Variants in ADCY5 observed in about 807,000 individuals in gnomAD.
ADCY5 encodes adenylate cyclase 5, also known as adenylate cyclase type 5.
ADCY5 carries 30 observed loss-of-function variants against 119.7 expected under a neutral mutation model. The observed-to-expected ratio is 0.25, with a 90% CI of 0.19 to 0.34. The LOEUF is 0.34. Ranked by LOEUF, ADCY5 falls within the 10% of genes least tolerant of loss-of-function variation. The pLI is 1.00. For missense variants in ADCY5, 1,324 were observed against 1,775.2 expected, an observed-to-expected ratio of 0.75 and a Z score of 4.57; for synonymous variants, 753 against 762.2, an observed-to-expected ratio of 0.99 and a Z score of 0.20.
In ADCY5 at chr3:123,297,347, A is replaced by G. The variant is rs746530349; in HGVS notation, c.2930+6T>C. ...GAGCGACCCTATCCGAGGAGCATCA[A>G]CTCACCACTGGGAGGTCCCGTTGTT... On this transcript the variant is annotated splice_donor_region_variant and intron_variant, in intron 16 of 20. Coordinates refer to ENST00000462833, the MANE Select transcript of ADCY5 (RefSeq NM_183357.3). The G allele has an allele frequency of 1.9e-6, 3 of 1,613,772 alleles. No homozygotes were observed. The highest frequency in any genetic ancestry group is 1.7e-5 in the Admixed American group (1 of 60,010).
chr3:123,389,004 C>T (rs1053402749), intron 1 of ADCY5, among the ~76,000 whole-genome samples: 11 of 151,886 alleles, frequency 7.2e-5, no homozygotes, highest in South Asian at 2.1e-4. Context: ...GGAGGCGGGG[C>T]GGGAGGCCAG....
At chr3:123,403,806 C>T (rs936617183) in intron 1 of ADCY5, among the ~76,000 whole-genome samples, 1 of 152,230 alleles carries the variant, frequency 6.6e-6, no homozygotes, top group Non-Finnish European at 1.5e-5. Flanking sequence ...CCGGGTCCCT[C>T]CTTCCTGTAT....
rs140355108 is a variant in ADCY5, at chr3:123,299,166, A to G, written c.2900+954T>C. 2.4e-4 allele frequency among the ~76,000 whole-genome samples: 36 copies of G among 152,236 alleles called. No homozygotes were observed. The East Asian group carries it at 6.6e-3, about 28-fold the overall frequency. ...TAGACATTTTAGTCTGTATGTTGCA[A>G]TCTGTAGCCAATTATTGTAACCCTC... On this transcript the variant is annotated intron_variant, in intron 15 of 20. Transcript: ENST00000462833.
intron 15 of ADCY5, among the ~76,000 whole-genome samples, chr3:123,298,068 C>T (rs537992689): frequency 7.9e-5 from 12 of 152,162 alleles, no homozygotes; most frequent in African/African-American, 1.2e-4. Flanking sequence ...GGTGCAATCT[C>T]GGCTCACTGT....
chr3:123,419,096 T>C, intron 1 of ADCY5: 1 of 947,664 alleles, frequency 1.1e-6, no homozygotes, highest in Non-Finnish European at 1.3e-6. Context: ...TTTCTATATG[T>C]CTATATAAAT....
chr3:123,299,383 C>T (rs1939701007), intron 15 of ADCY5, among the ~76,000 whole-genome samples: 1 of 152,188 alleles, frequency 6.6e-6, no homozygotes, highest in Admixed American at 6.5e-5. Context: ...TTTGGGTTGA[C>T]AATATTCCCA....
intron 17 of ADCY5, among the ~76,000 whole-genome samples, chr3:123,294,553 G>GT (rs2108216107): frequency 6.6e-6 from 1 of 152,332 alleles, no homozygotes; most frequent in East Asian, 1.9e-4. Context: ...CTTCCTCCAG[G>GT]AAGGCTCAGC....
chr3:123,431,149 C>A (rs1364260880), intron 1 of ADCY5, among the ~76,000 whole-genome samples: 2 of 152,202 alleles, frequency 1.3e-5, no homozygotes, highest in Non-Finnish European at 2.9e-5. Flanking sequence ...TAAACTGGAG[C>A]AAATTCATTC....
At chr3:123,411,779 T>C (rs375494783) in intron 1 of ADCY5, among the ~76,000 whole-genome samples, 25 of 152,286 alleles carry the variant, frequency 1.6e-4, no homozygotes, top group South Asian at 1.5e-3. Context: ...CTTAACCTAA[T>C]GGGACACCTG....
At chr3:123,363,860 G>A (rs1328642288) in intron 1 of ADCY5, among the ~76,000 whole-genome samples, 2 of 152,210 alleles carry the variant, frequency 1.3e-5, no homozygotes, top group African/African-American at 4.8e-5. Context: ...GGTGAGCCAC[G>A]ATTACACCAC....
rs78432736 is a variant in ADCY5, at chr3:123,350,061, G to A, written c.1285-2158C>T. 4.0e-3 allele frequency among the ~76,000 whole-genome samples: 611 copies of A among 152,298 alleles called. 3 individuals carry two copies. The highest frequency in any genetic ancestry group is 0.014 in the African/African-American group (591 of 41,558). ...TCCACTCCAGATAGAGCAGAACACA[G>A]AGGCCCCCACACTTCCTGGGGTCTT... On this transcript the variant is annotated intron_variant, in intron 2 of 20. Transcript: ENST00000462833.
At chr3:123,298,942 A>T (rs1203373921) in intron 15 of ADCY5, among the ~76,000 whole-genome samples, 2 of 149,014 alleles carry the variant, frequency 1.3e-5, no homozygotes, top group Non-Finnish European at 3.0e-5. Context: ...GGGCGTTGAT[A>T]ATCCACAGTT....
At chr3:123,351,274 G>C (rs1942828036) in intron 2 of ADCY5, among the ~76,000 whole-genome samples, 1 of 152,166 alleles carries the variant, frequency 6.6e-6, no homozygotes, top group Middle Eastern at 3.2e-3. Context: ...GACTCACTTA[G>C]GATGCAACCA....
At chr3:123,370,000 C>T (rs1398010439) in intron 1 of ADCY5, among the ~76,000 whole-genome samples, 1 of 152,168 alleles carries the variant, frequency 6.6e-6, no homozygotes, top group East Asian at 1.9e-4. Context: ...CACTGACTGC[C>T]TTAATTCTTG....
At chr3:123,437,339 T>A (rs1178394000) in intron 1 of ADCY5, among the ~76,000 whole-genome samples, 2 of 152,072 alleles carry the variant, frequency 1.3e-5, no homozygotes, top group Admixed American at 1.3e-4. Flanking sequence ...GCCCCAAGGT[T>A]TAAGGCCAGA....
chr3:123,391,798 T>C (rs1482055728), intron 1 of ADCY5, among the ~76,000 whole-genome samples: 1 of 152,182 alleles, frequency 6.6e-6, no homozygotes, highest in East Asian at 1.9e-4. Flanking sequence ...CACATCTGAA[T>C]GACTGCCCTG....
chr3:123,325,162 C>G (rs1941418928), intron 8 of ADCY5, among the ~76,000 whole-genome samples, 160 bp downstream of exon 8: 1 of 152,222 alleles, frequency 6.6e-6, no homozygotes, highest in South Asian at 2.1e-4. Flanking sequence ...AGCAGGTGCC[C>G]TACTCCTAGT....
chr3:123,319,791 C>T lies in ADCY5; in HGVS notation c.2139G>A (p.Glu713=). The T allele has an allele frequency of 3.1e-6, 5 of 1,614,240 alleles. No homozygotes were observed. Among genetic ancestry groups the T allele is most frequent in the Non-Finnish European group, 4.2e-6 (5 of 1,180,030 alleles). The change falls in exon 10 of 21, where the codon GAG becomes GAA. Residue 713 remains glutamate, a synonymous_variant. Coordinates refer to ENST00000462833, the MANE Select transcript of ADCY5 (RefSeq NM_183357.3). ...GGCCCAGAAACTCATCCACTTCATCCTCAGGGTTCGCACTCTCCTGGGCGT... is the reference window on the plus strand; with the variant it reads ...GGCCCAGAAACTCATCCACTTCATCTTCAGGGTTCGCACTCTCCTGGGCGT... ...DKNAQESANP[E]DEVDEFLGRA... is the part of the protein sequence containing the mutation.
chr3:123,321,991 C>T (rs1219984824), intron 8 of ADCY5, among the ~76,000 whole-genome samples: 1 of 152,226 alleles, frequency 6.6e-6, no homozygotes, highest in East Asian at 1.9e-4. Flanking sequence ...TTCTCCTTGT[C>T]CTCTGAGAAT....
Sources: allele counts gnomAD v4.1 joint callset (sites outside exome capture counted in the v4.1 genomes callset), GRCh38; gene constraint gnomAD v4.1.1; transcripts MANE v1.5; gene names NCBI Gene and HGNC (gene_info 2026-07-23, HGNC 2026-07-21).